ROBO2: variants seen among roughly 807,000 people sequenced by gnomAD.
ROBO2 encodes roundabout guidance receptor 2, also known as roundabout homolog 2.
A neutral mutation model predicts 160.8 loss-of-function variants in ROBO2; 53 were observed. That is an observed-to-expected ratio of 0.33 (90% CI 0.26 to 0.41). The LOEUF is 0.41. Ranked by LOEUF, ROBO2 falls within the 10% of genes least tolerant of loss-of-function variation. The pLI, the probability that ROBO2 is intolerant of heterozygous loss-of-function variation, is 1.00. For synonymous variants in ROBO2, 664 were observed against 611.7 expected (o/e 1.09, Z -1.26); for missense variants, 1,577 against 1,722.4 (o/e 0.92, Z 1.49).
intron 2 of ROBO2, among the ~76,000 whole-genome samples, chr3:75,985,962 A>G (rs893907442): frequency 1.3e-5 from 2 of 151,598 alleles, no homozygotes; most frequent in Non-Finnish European, 1.5e-5. Context: ...AGACACTTGG[A>G]TTGCTTCCAT....
intron 5 of ROBO2, among the ~76,000 whole-genome samples, chr3:77,521,850 C>T (rs938376368): frequency 2.6e-5 from 4 of 151,124 alleles, no homozygotes; most frequent in African/African-American, 9.7e-5. Context: ...AATAGGAAGT[C>T]ACAGCTAGTT....
At chr3:76,748,351 A>G (rs997014853) in intron 2 of ROBO2, among the ~76,000 whole-genome samples, 3 of 151,744 alleles carry the variant, frequency 2.0e-5, no homozygotes, top group South Asian at 2.1e-4. Flanking sequence ...TATATGTATG[A>G]TGTTGATACA....
chr3:77,529,676 T>C (rs758868786), intron 6 of ROBO2, among the ~76,000 whole-genome samples: 2 of 151,922 alleles, frequency 1.3e-5, no homozygotes, highest in Non-Finnish European at 2.9e-5. Context: ...TATTTCCATT[T>C]TTTATTCCCG....
At chr3:76,381,729 G>C (rs139256770) in intron 2 of ROBO2, among the ~76,000 whole-genome samples, 134 of 152,276 alleles carry the variant, frequency 8.8e-4, no homozygotes, top group African/African-American at 2.8e-3. Context: ...CAAATATTAA[G>C]TCATTTCATT....
At chr3:76,938,705 C>CA (rs2077922085) in intron 2 of ROBO2, among the ~76,000 whole-genome samples, 1 of 152,068 alleles carries the variant, frequency 6.6e-6, no homozygotes, top group African/African-American at 2.4e-5. Context: ...CGCGGTGGCT[C>CA]ACACCCGTAA....
intron 2 of ROBO2, among the ~76,000 whole-genome samples, chr3:76,304,116 G>T (rs555155652): frequency 3.0e-4 from 46 of 152,138 alleles, no homozygotes; most frequent in African/African-American, 1.1e-3. Context: ...ATTTGACCTG[G>T]TACTTATGTA....
intron 2 of ROBO2, among the ~76,000 whole-genome samples, chr3:77,333,875 T>C (rs2066225333): frequency 6.6e-6 from 1 of 152,164 alleles, no homozygotes; most frequent in Non-Finnish European, 1.5e-5. Flanking sequence ...ATGGAAAGGG[T>C]ATTAACTAGC....
chr3:76,896,339 C>T (rs191313215), intron 2 of ROBO2, among the ~76,000 whole-genome samples: 1,645 of 152,174 alleles, frequency 0.011, 23 homozygotes, highest in Non-Finnish European at 0.016. Context: ...TAAAAGTAGC[C>T]TCAATCTTTG....
At chr3:76,215,151 AC>A (rs1405298120) in intron 2 of ROBO2, among the ~76,000 whole-genome samples, 1 of 152,046 alleles carries the variant, frequency 6.6e-6, no homozygotes, top group Non-Finnish European at 1.5e-5. Flanking sequence ...CCACACCAAA[AC>A]CCCATCTGTA....
intron 2 of ROBO2, among the ~76,000 whole-genome samples, chr3:77,452,788 C>T (rs948343528): frequency 1.3e-5 from 2 of 151,950 alleles, no homozygotes; most frequent in Non-Finnish European, 2.9e-5. Context: ...AAATAAAAAG[C>T]AGAATTTAAT....
At chr3:76,592,766 A>T (rs533582322) in intron 2 of ROBO2, among the ~76,000 whole-genome samples, 2 of 152,090 alleles carry the variant, frequency 1.3e-5, no homozygotes, top group African/African-American at 4.8e-5. Context: ...TCAGAGATTT[A>T]TTCTGAATAC....
At chr3:76,829,270 G>A (rs2066859073) in intron 2 of ROBO2, among the ~76,000 whole-genome samples, 1 of 152,084 alleles carries the variant, frequency 6.6e-6, no homozygotes, top group Non-Finnish European at 1.5e-5. Flanking sequence ...CTGTCAAAAT[G>A]CTGTTAATTG....
chr3:76,533,643 T>G (rs1392427069), intron 2 of ROBO2, among the ~76,000 whole-genome samples: 1 of 152,250 alleles, frequency 6.6e-6, no homozygotes, highest in African/African-American at 2.4e-5. Context: ...GCTTATTCAC[T>G]TGGGTGCAAG....
At chr3:77,420,154 T>G (rs1002388178) in intron 2 of ROBO2, among the ~76,000 whole-genome samples, 2 of 152,106 alleles carry the variant, frequency 1.3e-5, no homozygotes, top group African/African-American at 4.8e-5. Flanking sequence ...GAAGAGATGG[T>G]CATAAAATGA....
At chr3:76,321,842 T>G (rs1468696402) in intron 2 of ROBO2, among the ~76,000 whole-genome samples, 2 of 152,122 alleles carry the variant, frequency 1.3e-5, no homozygotes. Context: ...AACAATTCTG[T>G]GTGCGTTACC....
chr3:76,841,620 A>G (rs1303694296), intron 2 of ROBO2, among the ~76,000 whole-genome samples: 2 of 152,202 alleles, frequency 1.3e-5, no homozygotes, highest in African/African-American at 4.8e-5. Context: ...ATAAAAGATA[A>G]ATGGTTAGCT....
chr3:77,182,315 G>T (rs77951346), intron 2 of ROBO2, among the ~76,000 whole-genome samples: 11,434 of 151,992 alleles, frequency 0.075, 494 homozygotes, highest in African/African-American at 0.11. Flanking sequence ...CCATACTTGG[G>T]GTTAAGCTGG....
chr3:77,173,517 A>G (rs1269656399), intron 2 of ROBO2, among the ~76,000 whole-genome samples: 1 of 152,098 alleles, frequency 6.6e-6, no homozygotes, highest in East Asian at 1.9e-4. Flanking sequence ...TGAAAGTCCC[A>G]TGTGTTGAGC....
intron 2 of ROBO2, among the ~76,000 whole-genome samples, chr3:77,016,243 G>T (rs2062243542): frequency 6.6e-6 from 1 of 152,078 alleles, no homozygotes; most frequent in Non-Finnish European, 1.5e-5. Context: ...CCAAAGTGCT[G>T]GGATTACAGG....
Sources: allele counts gnomAD v4.1 joint callset (sites outside exome capture counted in the v4.1 genomes callset), GRCh38; gene constraint gnomAD v4.1.1; transcripts MANE v1.5; gene names NCBI Gene and HGNC (gene_info 2026-07-23, HGNC 2026-07-21).